PKD1L1: variants seen among roughly 807,000 people sequenced by gnomAD.
PKD1L1 encodes the protein polycystin-1-like protein 1.
In PKD1L1, 236 loss-of-function variants were observed where a neutral mutation model predicts 323.4. The ratio of observed to expected loss-of-function variants is 0.73; its 90% CI spans 0.66 to 0.81. The LOEUF is 0.81. Among genes scored for constraint, PKD1L1 ranks in the 40% least tolerant of loss-of-function variants. The pLI, the probability that PKD1L1 is intolerant of heterozygous loss-of-function variation, is 0.00. For synonymous variants in PKD1L1, 1,344 were observed against 1,335.0 expected (o/e 1.01, Z -0.15); for missense variants, 3,320 against 3,508.0 (o/e 0.95, Z 1.35).
chr7:47,841,958 C>A (rs1217275191), intron 34 of PKD1L1, among the ~76,000 whole-genome samples: 7 of 152,154 alleles, frequency 4.6e-5, no homozygotes, highest in Non-Finnish European at 7.4e-5. Context: ...ATGTAGACAA[C>A]CTCATCCTGT....
intron 3 of PKD1L1, among the ~76,000 whole-genome samples, chr7:47,938,751 G>A (rs978131403): frequency 1.3e-5 from 2 of 152,148 alleles, no homozygotes; most frequent in East Asian, 1.9e-4. Flanking sequence ...TAAAGGCATC[G>A]ATCTATGCCC....
At chr7:47,869,830 A>T (rs2128744542) in intron 24 of PKD1L1, among the ~76,000 whole-genome samples, 1 of 152,308 alleles carries the variant, frequency 6.6e-6, no homozygotes, top group East Asian at 1.9e-4. Context: ...TACACCATAT[A>T]GTAGGCCACA....
Position 47,855,188 on chromosome 7 carries a change from G to A in PKD1L1, c.4668C>T (p.Pro1556=), listed in dbSNP as rs376187635. ...RPINRQWLRK[P]VMVEFGEEDG... ...CCTCCTCCCCAAACTCGACCATCAC[G>A]GGTTTCCTTAGCCATTGCCTGTTGA... The change falls in exon 29 of 57, where the codon CCC becomes CCT. Residue 1556 remains proline, a synonymous_variant. Coordinates refer to ENST00000289672, the MANE Select transcript of PKD1L1 (RefSeq NM_138295.5). 7 of 1,614,002 alleles carry A rather than the reference G, an allele frequency of 4.3e-6. No homozygotes were observed. The highest frequency in any genetic ancestry group is 1.7e-5 in the Admixed American group (1 of 60,004).
Position 47,929,489 on chromosome 7 carries a change from T to A in PKD1L1, c.775A>T (p.Ser259Cys), listed in dbSNP as rs749528000. ...GLPPGIPRTP[S>C]FTASQSGSEI... ...GAACCAGACTGCGATGCCGTGAAGC[T>A]GGGGGTGCGAGGAATGCCAGGCGGA... is the stretch of plus-strand genomic sequence containing the variant. Residue 259 changes from serine (S) to cysteine (C), a missense_variant, in exon 7 of 57, where the codon AGC becomes TGC. Coordinates refer to ENST00000289672, the MANE Select transcript of PKD1L1 (RefSeq NM_138295.5). The A allele has an allele frequency of 8.7e-6, 14 of 1,613,876 alleles. No homozygotes were observed. The highest frequency in any genetic ancestry group is 1.1e-5 in the Non-Finnish European group (13 of 1,179,956).
intron 24 of PKD1L1, among the ~76,000 whole-genome samples, chr7:47,873,649 C>CAAAAA (rs57012071): frequency 6.4e-5 from 5 of 77,900 alleles, no homozygotes; most frequent in African/African-American, 1.1e-4. Flanking sequence ...GACTCTGTCT[C>CAAAAA]AAAAAAAAAA....
intron 24 of PKD1L1, among the ~76,000 whole-genome samples, chr7:47,871,259 G>C (rs1206696192): frequency 6.6e-6 from 1 of 152,144 alleles, no homozygotes; most frequent in Non-Finnish European, 1.5e-5. Context: ...ATCTTAGTTT[G>C]TGCTATTATA....
At chr7:47,867,533 G>A (rs1266729439) in intron 24 of PKD1L1, among the ~76,000 whole-genome samples, 1 of 152,086 alleles carries the variant, frequency 6.6e-6, no homozygotes, top group Non-Finnish European at 1.5e-5. Flanking sequence ...AGTTATCAAT[G>A]AAAAATTATG....
chr7:47,802,604 T>C (rs989812290), intron 53 of PKD1L1, among the ~76,000 whole-genome samples: 4 of 152,224 alleles, frequency 2.6e-5, no homozygotes, highest in South Asian at 2.1e-4. Flanking sequence ...TCAGCCCTGA[T>C]TGCAATTCTT....
intron 20 of PKD1L1, among the ~76,000 whole-genome samples, chr7:47,881,656 G>T (rs1483379848): frequency 1.3e-5 from 2 of 152,194 alleles, no homozygotes; most frequent in Non-Finnish European, 2.9e-5. Context: ...AGCACAGAAC[G>T]TGCAGCACTT....
intron 52 of PKD1L1, among the ~76,000 whole-genome samples, chr7:47,806,066 T>C (rs1371785754): frequency 6.6e-6 from 1 of 152,100 alleles, no homozygotes; most frequent in Non-Finnish European, 1.5e-5. Context: ...ATGAGAAAGA[T>C]AGGACATCAG....
In PKD1L1 at chr7:47,914,865, C is replaced by G. The variant is rs559687477; in HGVS notation, c.1228+567G>C. On this transcript the variant is annotated intron_variant, in intron 8 of 56. Coordinates refer to ENST00000289672, the MANE Select transcript of PKD1L1 (RefSeq NM_138295.5). Reference sequence around the variant, plus strand: ...CTCAGCAGATAGCAGATACCTGGAGCCAGCCCACACTCACCATACAGGAGG... The same window carrying G: ...CTCAGCAGATAGCAGATACCTGGAGGCAGCCCACACTCACCATACAGGAGG... 8.1e-4 allele frequency among the ~76,000 whole-genome samples: 123 copies of G among 152,080 alleles called. 2 individuals are homozygous for G. Among genetic ancestry groups the G allele is most frequent in the Non-Finnish European group, 1.2e-3 (82 of 68,028 alleles).
Position 47,839,303 on chromosome 7 carries a change from G to T in PKD1L1, c.5769+143C>A. On this transcript the variant is annotated intron_variant, in intron 36 of 56. Transcript: ENST00000289672. This position sits in a 1 kb window ranked among gnomAD's most constrained non-coding sequence, Gnocchi z 4.3. ...CAATGAATGTATCATTTAATATTTT[G>T]ATATCGTGGTAATTAACTAAGAAAA... The T allele has an allele frequency of 3.1e-6, 2 of 635,036 alleles. No individual in the cohort carries two copies. 39.3% of individuals were successfully genotyped at this position (635,036 alleles called of 1,614,324 possible). A position where few individuals can be genotyped will look rare whatever the true frequency, so the allele number is the denominator to read the frequency against.
Position 47,931,319 on chromosome 7 carries a change from G to A in PKD1L1, c.522C>T (p.Leu174=). 1 of 1,614,132 alleles carries A rather than the reference G, an allele frequency of 6.2e-7. No homozygotes were observed. Among genetic ancestry groups the A allele is most frequent in the Non-Finnish European group, 8.5e-7 (1 of 1,180,024 alleles). Residue 174 remains leucine, a splice_region_variant and synonymous_variant, in exon 6 of 57, where the codon CTC becomes CTT. Transcript: ENST00000289672. ...GAGCTGCTGCAGAAGTGGTGCCCTGGAGCTTAAAAGTTTAAGAACAGTTCA... is the reference window on the plus strand; with the variant it reads ...GAGCTGCTGCAGAAGTGGTGCCCTGAAGCTTAAAAGTTTAAGAACAGTTCA... ...ADSTFSALLQ[L]QGTTSAAAPC...
intron 47 of PKD1L1, among the ~76,000 whole-genome samples, chr7:47,814,970 T>G (rs1784983786): frequency 6.6e-6 from 1 of 152,208 alleles, no homozygotes; most frequent in Non-Finnish European, 1.5e-5. Context: ...GTGGTTCTTG[T>G]GTTTCCTTGT....
intron 37 of PKD1L1, among the ~76,000 whole-genome samples, 174 bp downstream of exon 37, chr7:47,836,747 G>A (rs994250173): frequency 6.6e-6 from 1 of 152,176 alleles, no homozygotes; most frequent in African/African-American, 2.4e-5. Context: ...GCCACCCAGT[G>A]CCACACCGGG....
At chr7:47,852,029 T>C (rs1471669799) in intron 31 of PKD1L1, among the ~76,000 whole-genome samples, 1 of 152,240 alleles carries the variant, frequency 6.6e-6, no homozygotes, top group African/African-American at 2.4e-5. Flanking sequence ...GTTGATTTCT[T>C]TTCCTTATGA....
rs371539267 is a variant in PKD1L1 at position 47,808,406 on chromosome 7, A to G, written c.7687-19T>C. On this transcript the variant is annotated intron_variant, in intron 51 of 56. Coordinates refer to ENST00000289672, the MANE Select transcript of PKD1L1 (RefSeq NM_138295.5). The stretch of plus-strand genomic sequence containing the variant: ...CGGAGAGCTGGAACATCCAAGAGAA[A>G]GGCCCTCAGATGGCTCCTGAGGAAG... 2.5e-6 allele frequency: 4 copies of G among 1,613,322 alleles called. No individual in the cohort carries two copies. In the African/African-American group the frequency reaches 4.0e-5, roughly 16 times the overall value.
intron 53 of PKD1L1, among the ~76,000 whole-genome samples, chr7:47,801,931 C>T (rs528024023): frequency 6.6e-6 from 1 of 152,184 alleles, no homozygotes; most frequent in Admixed American, 6.5e-5. Flanking sequence ...GTGGCTCATG[C>T]CTGTAATCCC....
chr7:47,792,589 T>A, intron 56 of PKD1L1, 38 bp downstream of exon 56: 19 of 1,552,800 alleles, frequency 1.2e-5, no homozygotes, highest in Non-Finnish European at 1.6e-5. Context: ...TAAATTGCTA[T>A]GAAGAAAATT....
Sources: allele counts gnomAD v4.1 joint callset (sites outside exome capture counted in the v4.1 genomes callset), GRCh38; gene constraint gnomAD v4.1.1; non-coding constraint Gnocchi (gnomAD v3.1); transcripts MANE v1.5; gene names NCBI Gene and HGNC (gene_info 2026-07-23, HGNC 2026-07-21).